ZDHHC11: variants seen among roughly 807,000 people sequenced by gnomAD.
ZDHHC11 encodes palmitoyltransferase ZDHHC11.
Under a neutral mutation model 51.3 loss-of-function variants are expected in ZDHHC11, and 44 were observed. The observed-to-expected ratio is 0.86, with a 90% confidence interval of 0.67 to 1.10. The LOEUF is 1.10. ZDHHC11 is among the 50% of genes least tolerant of loss of function. ZDHHC11 has a pLI of 0.00. For missense variants in ZDHHC11, 400 were observed against 537.7 expected, an observed-to-expected ratio of 0.74 and a Z score of 2.53; for synonymous variants, 163 against 222.0, an observed-to-expected ratio of 0.73 and a Z score of 2.36.
chr5:850,343 C>A (rs748866194), intron 1 of ZDHHC11, 38 bp downstream of exon 1: 5 of 1,598,022 alleles, frequency 3.1e-6, no homozygotes, highest in Non-Finnish European at 4.3e-6. Context: ...CCTCCAGGAA[C>A]CCCTCCCGCT....
intron 3 of ZDHHC11, among the ~76,000 whole-genome samples, chr5:844,074 G>A (rs1218491657): frequency 6.6e-6 from 1 of 151,976 alleles, no homozygotes; most frequent in African/African-American, 2.4e-5. Flanking sequence ...GAGCCCGCAG[G>A]GTGGAGGTGA....
chr5:828,423 C>G (rs1346361095), intron 7 of ZDHHC11, among the ~76,000 whole-genome samples: 2 of 151,110 alleles, frequency 1.3e-5, no homozygotes, highest in African/African-American at 4.9e-5. Flanking sequence ...CCCCCACCTC[C>G]CTCCTGGACG....
intron 11 of ZDHHC11, among the ~76,000 whole-genome samples, chr5:810,496 C>T (rs1442062134): frequency 2.0e-5 from 3 of 151,280 alleles, no homozygotes; most frequent in African/African-American, 4.9e-5. Context: ...CTGTGATTAG[C>T]AACATCACAC....
Position 850,456 on chromosome 5 carries a change from G to T in ZDHHC11, c.147C>A (p.Phe49Leu). Residue 49 changes from phenylalanine to leucine, a missense_variant, in exon 1 of 13, where the codon TTC (phenylalanine) becomes TTA (leucine). By Grantham distance (22) the Phe-to-Leu change is conservative. Around this residue, in one of 5 missense-constraint regions of ZDHHC11, gnomAD observed 119 missense variants for 99.6 expected, o/e 1.20. Transcript: ENST00000283441. ...HYFQVVTWAV[F>L]VGLSSATFGI... ...CGAAGGTGGCCGAGGAAAGGCCCAC[G>T]AAGACAGCCCAGGTCACCACCTGGA... is the stretch of plus-strand genomic sequence containing the variant. 6.2e-7 allele frequency: 1 copy of T among 1,613,672 alleles called. No individual in the cohort carries two copies. Among genetic ancestry groups the T allele is most frequent in the Non-Finnish European group, 8.5e-7 (1 of 1,180,038 alleles).
At chr5:838,621 G>A (rs1251856390) in intron 5 of ZDHHC11, among the ~76,000 whole-genome samples, 1 of 152,148 alleles carries the variant, frequency 6.6e-6, no homozygotes, top group East Asian at 1.9e-4. Context: ...GGACAGGCCT[G>A]GGCGTCCTGC....
upstream of ZDHHC11, among the ~76,000 whole-genome samples, chr5:852,741 C>T (rs1000914359): frequency 5.0e-5 from 6 of 120,544 alleles, no homozygotes; most frequent in South Asian, 2.7e-4. Flanking sequence ...GACAGCAAAC[C>T]GGGGGACAGA....
At chr5:824,578 A>G (rs1053513736) in intron 8 of ZDHHC11, among the ~76,000 whole-genome samples, 5 of 151,604 alleles carry the variant, frequency 3.3e-5, no homozygotes, top group African/African-American at 1.2e-4. Flanking sequence ...GGATGGACAC[A>G]GAGTCCATGT....
At chr5:850,087 C>T (rs1413429656) in intron 1 of ZDHHC11, among the ~76,000 whole-genome samples, 1 of 152,226 alleles carries the variant, frequency 6.6e-6, no homozygotes, top group African/African-American at 2.4e-5. Context: ...GGGATTTTAG[C>T]GGAAGGCTGC....
intron 11 of ZDHHC11, among the ~76,000 whole-genome samples, chr5:810,449 A>T (rs894678588): frequency 3.3e-5 from 5 of 151,432 alleles, no homozygotes; most frequent in Non-Finnish European, 7.4e-5. Context: ...ACCACTAGAG[A>T]CACTATAAAT....
intron 11 of ZDHHC11, among the ~76,000 whole-genome samples, chr5:802,831 A>G (rs1476582423): frequency 4.9e-5 from 2 of 41,066 alleles, no homozygotes; most frequent in Non-Finnish European, 8.5e-5. Flanking sequence ...AATACAAAAA[A>G]AAAAAAAAAA....
intron 4 of ZDHHC11, chr5:841,251 T>C (rs1341025604): frequency 3.2e-5 from 33 of 1,018,568 alleles, no homozygotes; most frequent in Non-Finnish European, 3.9e-5. Context: ...CCAGCACCCA[T>C]CCTTTCCTAA....
At chr5:856,122 A>C (rs2150516987) in intron 1 of ZDHHC11, among the ~76,000 whole-genome samples, 1 of 152,210 alleles carries the variant, frequency 6.6e-6, no homozygotes, top group East Asian at 1.9e-4. Flanking sequence ...GTGGCCTGTA[A>C]GCACGTTCAT....
chr5:809,014 C>CACACACACATAT (rs1554050773), intron 11 of ZDHHC11, among the ~76,000 whole-genome samples: 1 of 139,026 alleles, frequency 7.2e-6, no homozygotes, highest in Non-Finnish European at 1.6e-5. Context: ...CACACACACA[C>CACACACACATAT]GCACACTATT....
At chr5:823,909 C>G (rs111391863) in intron 8 of ZDHHC11, 70,448 of 376,024 alleles carry the variant, frequency 0.19, 10,958 homozygotes, top group African/African-American at 0.55. Flanking sequence ...GAGTCTGGGC[C>G]AGGGTGGGCT....
At chr5:825,332 C>G (rs565984101) in intron 7 of ZDHHC11, 81 bp from the exon 8 acceptor site, 1 of 1,388,882 alleles carries the variant, frequency 7.2e-7, no homozygotes. Context: ...TGCACCGCGT[C>G]GTGTCAGCAC....
chr5:819,369 T>C (rs1741262782), intron 10 of ZDHHC11, among the ~76,000 whole-genome samples, 156 bp downstream of exon 10: 1 of 151,600 alleles, frequency 6.6e-6, no homozygotes, highest in Admixed American at 6.6e-5. Flanking sequence ...ATCTCTCTTC[T>C]GTGCTCCACC....
chr5:815,279 A>G (rs1740630728), intron 10 of ZDHHC11, among the ~76,000 whole-genome samples: 1 of 151,270 alleles, frequency 6.6e-6, no homozygotes, highest in Non-Finnish European at 1.5e-5. Flanking sequence ...CAGCCTGCAG[A>G]TATGTGAGAA....
At chr5:833,217 C>T (rs533698639) in intron 7 of ZDHHC11, among the ~76,000 whole-genome samples, 70 of 152,370 alleles carry the variant, frequency 4.6e-4, no homozygotes, top group African/African-American at 1.6e-3. Flanking sequence ...ACTGAAAATG[C>T]GCGTGCCCTT....
chr5:797,876 G>A (rs1219112703), intron 12 of ZDHHC11, among the ~76,000 whole-genome samples: 1 of 150,532 alleles, frequency 6.6e-6, no homozygotes, highest in African/African-American at 2.4e-5. Context: ...TAGGATGAAG[G>A]TTTGTTACTC....
Sources: gnomAD v4.1 joint callset for allele counts (sites outside exome capture counted in the v4.1 genomes callset) on GRCh38, gnomAD v4.1.1 for gene constraint, gnomAD v4.1.1 regional missense constraint, MANE v1.5 for transcripts, NCBI Gene and HGNC (gene_info 2026-07-23, HGNC 2026-07-21) for gene names.